SMAD3: variants seen among roughly 807,000 people sequenced by gnomAD.
SMAD3 encodes the protein MAD homolog 3.
A neutral mutation model predicts 51.8 loss-of-function variants in SMAD3; 12 were observed. That is an observed-to-expected ratio of 0.23 (90% confidence interval 0.15 to 0.38). SMAD3 has a LOEUF of 0.38. Ranked by LOEUF, SMAD3 falls within the 10% of genes least tolerant of loss-of-function variation. The probability of loss-of-function intolerance (pLI) is 1.00; values close to 1 mark genes in which losing one functional copy is unlikely to be tolerated. For missense variants in SMAD3, 294 were observed against 565.6 expected (o/e 0.52, Z 4.87); for synonymous variants, 238 against 227.7 (o/e 1.05, Z -0.41).
intron 4 of SMAD3, among the ~76,000 whole-genome samples, chr15:67,167,336 G>A (rs913116212): frequency 2.0e-5 from 3 of 152,188 alleles, no homozygotes; most frequent in Admixed American, 1.3e-4. Flanking sequence ...GTCTAGCCCA[G>A]GGAGCTCAGC....
chr15:67,181,096 T>C, intron 5 of SMAD3, 145 bp from the exon 6 acceptor site: 1 of 705,716 alleles, frequency 1.4e-6, no homozygotes, highest in East Asian at 2.7e-5. Flanking sequence ...CTTGCCAGTT[T>C]TATACGATAA....
At chr15:67,161,867 C>A (rs1186331701) in intron 1 of SMAD3, among the ~76,000 whole-genome samples, 1 of 152,110 alleles carries the variant, frequency 6.6e-6, no homozygotes, top group African/African-American at 2.4e-5. Context: ...CCAGTGTCTC[C>A]CAGCTAGGAG....
chr15:67,126,290 T>C (rs536950079), intron 1 of SMAD3, among the ~76,000 whole-genome samples: 1 of 152,156 alleles, frequency 6.6e-6, no homozygotes, highest in Non-Finnish European at 1.5e-5. Context: ...TTGTGATTGC[T>C]CACAATTGCC....
intron 1 of SMAD3, among the ~76,000 whole-genome samples, chr15:67,072,696 C>T (rs973938949): frequency 6.6e-6 from 1 of 152,122 alleles, no homozygotes; most frequent in Non-Finnish European, 1.5e-5. Context: ...ATGGCTGGTG[C>T]AGTGTTGGAT....
chr15:67,100,180 TAAAAA>T (rs34746545), intron 1 of SMAD3, among the ~76,000 whole-genome samples: 4 of 109,930 alleles, frequency 3.6e-5, no homozygotes, highest in African/African-American at 7.2e-5. Flanking sequence ...AAACTCCATC[TAAAAA>T]AAAAAAAAAA....
intron 1 of SMAD3, 96 bp downstream of exon 1, chr15:67,066,456 A>G: frequency 9.9e-7 from 1 of 1,006,022 alleles, no homozygotes; most frequent in South Asian, 1.4e-5. Flanking sequence ...GAAGAGGGAG[A>G]GAGAGGGAGG....
chr15:67,159,072 A>C (rs72743467), intron 1 of SMAD3, among the ~76,000 whole-genome samples: 20,135 of 151,822 alleles, frequency 0.13, 1,693 homozygotes, highest in Middle Eastern at 0.19. Flanking sequence ...CTGGGGGAAA[A>C]GAATTTTTTT....
At chr15:67,091,506 C>A (rs1424391438) in intron 1 of SMAD3, among the ~76,000 whole-genome samples, 2 of 152,194 alleles carry the variant, frequency 1.3e-5, no homozygotes, top group African/African-American at 4.8e-5. Flanking sequence ...TGGCTGTGGC[C>A]ATGGTTTCTC....
At chr15:67,151,301 G>T (rs1962136068) in intron 1 of SMAD3, among the ~76,000 whole-genome samples, 1 of 151,550 alleles carries the variant, frequency 6.6e-6, no homozygotes. Flanking sequence ...GTCTCCAATA[G>T]CTCTTTCTCC....
In SMAD3 at chr15:67,132,131, GAT is replaced by G. The variant is rs1456918815; in HGVS notation, c.207-32762_207-32761del. On this transcript the variant is annotated intron_variant, in intron 1 of 8. Coordinates refer to ENST00000327367, the MANE Select transcript of SMAD3 (RefSeq NM_005902.4). ...TTCATGATAGGAAGGTGTCTTGGAG[GAT>G]AACTAGCAAGTCTTTCACTTTATAG... Among the ~76,000 whole-genome samples the G allele has an allele frequency of 2.0e-5, 3 of 152,162 alleles. No homozygotes were observed. The East Asian group carries it at 5.8e-4, about 29-fold the overall frequency.
At chr15:67,130,779 TG>T (rs1423242302) in intron 1 of SMAD3, among the ~76,000 whole-genome samples, 3 of 152,144 alleles carry the variant, frequency 2.0e-5, no homozygotes, top group African/African-American at 7.2e-5. Context: ...AGGCCTGCTT[TG>T]GTTGGGGTGG....
At chr15:67,118,816 G>A (rs1566974140) in intron 1 of SMAD3, among the ~76,000 whole-genome samples, 1 of 152,208 alleles carries the variant, frequency 6.6e-6, no homozygotes, top group African/African-American at 2.4e-5. Flanking sequence ...AGCCAGGTGA[G>A]GTCTGCCTTT....
chr15:67,106,842 T>C (rs1474119408), intron 1 of SMAD3, among the ~76,000 whole-genome samples: 2 of 152,310 alleles, frequency 1.3e-5, no homozygotes, highest in African/African-American at 2.4e-5. Context: ...GTGACACTTA[T>C]CTGATTACCT....
chr15:67,152,409 C>T (rs10152544), intron 1 of SMAD3, among the ~76,000 whole-genome samples: 68,349 of 151,992 alleles, frequency 0.45, 15,910 homozygotes, highest in Middle Eastern at 0.53. Flanking sequence ...TGCTGCCGAG[C>T]GAGAGGCCCA....
intron 1 of SMAD3, among the ~76,000 whole-genome samples, chr15:67,109,443 C>T (rs1198329306): frequency 6.6e-6 from 1 of 152,120 alleles, no homozygotes; most frequent in East Asian, 1.9e-4. Flanking sequence ...CCCCATGCTG[C>T]ATGTAAGTCT....
At chr15:67,189,978 G>T (rs1963317666) in intron 8 of SMAD3, among the ~76,000 whole-genome samples, 1 of 151,928 alleles carries the variant, frequency 6.6e-6, no homozygotes, top group Non-Finnish European at 1.5e-5. Context: ...CGTCATCGTC[G>T]CCTGCTGGGG....
At chr15:67,156,070 G>C (rs1362443154) in intron 1 of SMAD3, among the ~76,000 whole-genome samples, 2 of 152,126 alleles carry the variant, frequency 1.3e-5, no homozygotes, top group Non-Finnish European at 2.9e-5. Context: ...GAAAGAGATG[G>C]GGAGGATATG....
intron 1 of SMAD3, among the ~76,000 whole-genome samples, chr15:67,078,865 C>A (rs1960223533): frequency 6.6e-6 from 1 of 152,174 alleles, no homozygotes. Context: ...ATGGGAAAAA[C>A]AATGACCTCC....
At chr15:67,107,482 C>G (rs930487745) in intron 1 of SMAD3, among the ~76,000 whole-genome samples, 4 of 152,164 alleles carry the variant, frequency 2.6e-5, no homozygotes, top group African/African-American at 9.7e-5. Flanking sequence ...CCCTCCTGCC[C>G]TCCTGATGCA....
Sources: gnomAD v4.1 joint callset for allele counts (sites outside exome capture counted in the v4.1 genomes callset) on GRCh38, gnomAD v4.1.1 for gene constraint, MANE v1.5 for transcripts, NCBI Gene and HGNC (gene_info 2026-07-23, HGNC 2026-07-21) for gene names.